Variants in KAT14 observed in about 807,000 individuals in gnomAD.
The protein encoded by KAT14 is cysteine-rich protein 2-binding protein.
KAT14 carries 66 observed loss-of-function variants against 78.4 expected under a neutral mutation model. That is an observed-to-expected ratio of 0.84 (90% CI 0.69 to 1.03). KAT14 has a LOEUF of 1.03. Among genes scored for constraint, KAT14 ranks in the 50% least tolerant of loss-of-function variants. The probability of loss-of-function intolerance (pLI) is 0.00; values close to 1 mark genes in which losing one functional copy is unlikely to be tolerated. For synonymous variants in KAT14, 344 were observed against 359.4 expected (o/e 0.96, Z 0.48); for missense variants, 870 against 972.5 (o/e 0.89, Z 1.40).
At chr20:18,185,636 C>A (rs1235662971) in intron 10 of KAT14, among the ~76,000 whole-genome samples, 1 of 152,124 alleles carries the variant, frequency 6.6e-6, no homozygotes, top group Non-Finnish European at 1.5e-5. Context: ...GAAGAAAATA[C>A]ACCATATATC....
intron 2 of KAT14, 111 bp downstream of exon 2, chr20:18,143,030 T>C: frequency 1.4e-6 from 2 of 1,457,594 alleles, no homozygotes; most frequent in Non-Finnish European, 1.8e-6. Flanking sequence ...AGGATAATTA[T>C]ATTTATTCTC....
rs1236248232 is a variant in KAT14 at position 18,179,806 on chromosome 20, T to C, written c.1669-1904T>C. Among the ~76,000 whole-genome samples, 7 of 152,256 alleles carry C rather than the reference T, an allele frequency of 4.6e-5. 1 individual carries two copies. Among genetic ancestry groups the C allele is most frequent in the Admixed American group, 4.6e-4 (7 of 15,292 alleles). On this transcript the variant is annotated intron_variant, in intron 7 of 10. Transcript: ENST00000688188. ...CTGCATTGTCAGGCTGCAACTTTTC[T>C]GAACTTTTATGTTCTGTTTCCCTTT...
At chr20:18,169,935 A>G (rs916809890) in intron 7 of KAT14, among the ~76,000 whole-genome samples, 2 of 152,212 alleles carry the variant, frequency 1.3e-5, no homozygotes, top group Non-Finnish European at 2.9e-5. Context: ...AGTGGTCTGG[A>G]TAGAAGATCA....
Position 18,159,189 on chromosome 20 carries a change from G to T in KAT14, c.606G>T (p.Trp202Cys). 5 of 1,614,036 alleles carry T rather than the reference G, an allele frequency of 3.1e-6. No homozygotes were observed. The highest frequency in any genetic ancestry group is 3.4e-6 in the Non-Finnish European group (4 of 1,179,982). The change falls in exon 5 of 11, where the codon TGG (tryptophan) becomes TGT (cysteine). Residue 202 changes from tryptophan to cysteine, a missense_variant. Coordinates refer to ENST00000688188, the MANE Select transcript of KAT14 (RefSeq NM_001392073.1). ...GAQEFGEPGW[W>C]KLVHNKPPTM... ...AGGAATTTGGAGAGCCAGGATGGTG[G>T]AAACTTGTTCATAACAAGCCCCCAA...
chr20:18,176,994 C>G (rs994008423), intron 7 of KAT14, among the ~76,000 whole-genome samples: 5 of 152,184 alleles, frequency 3.3e-5, no homozygotes, highest in African/African-American at 1.2e-4. Context: ...ATGGAGCTTC[C>G]CAGAACTTAC....
chr20:18,139,719 C>G (rs1356929439), intron 1 of KAT14, among the ~76,000 whole-genome samples: 1 of 150,582 alleles, frequency 6.6e-6, no homozygotes, highest in Admixed American at 6.7e-5. Context: ...TAGGGGCTTA[C>G]ATTGTATTAA....
chr20:18,139,064 T>G (rs766396704), intron 1 of KAT14, among the ~76,000 whole-genome samples: 13 of 152,346 alleles, frequency 8.5e-5, no homozygotes, highest in Middle Eastern at 3.4e-3. Flanking sequence ...CTGTGCTATG[T>G]GCTTGATATA....
Position 18,142,927 on chromosome 20 carries a change from G to C in KAT14, c.259+8G>C. 6.2e-7 allele frequency: 1 copy of C among 1,612,002 alleles called. No individual in the cohort carries two copies. Among genetic ancestry groups the C allele is most frequent in the Non-Finnish European group, 8.5e-7 (1 of 1,178,122 alleles). On this transcript the variant is annotated splice_region_variant and intron_variant, in intron 2 of 10. Transcript: ENST00000688188. ...AAAAATGGATACCAGCCAGTAAGGA[G>C]CTTCTCAATTCCTTTGATTTGTCAA...
At position 18,162,123 on chromosome 20, in the gene KAT14, C is replaced by T. The variant is rs1342997676; in HGVS notation, c.983C>T (p.Ser328Phe). ...DRTPLTSPSP[S>F]PSLDFSAPGT... ...ACCCCGCTGACAAGCCCATCTCCTT[C>T]TCCTTCTCTGGATTTCTCTGCCCCT... Residue 328 changes from serine to phenylalanine, a missense_variant, in exon 6 of 11, where the codon TCT (serine) becomes TTT (phenylalanine). Physicochemically the swap from Ser to Phe is radical, Grantham distance 155 (BLOSUM62 -2). Coordinates refer to ENST00000688188, the MANE Select transcript of KAT14 (RefSeq NM_001392073.1). 1 of 1,614,138 alleles carries T rather than the reference C, an allele frequency of 6.2e-7. No homozygotes were observed. The highest frequency in any genetic ancestry group is 8.5e-7 in the Non-Finnish European group (1 of 1,180,054).
intron 7 of KAT14, among the ~76,000 whole-genome samples, chr20:18,167,659 A>G (rs1600230808): frequency 6.6e-6 from 1 of 152,046 alleles, no homozygotes; most frequent in South Asian, 2.1e-4. Flanking sequence ...CTTTAATCCA[A>G]AGGTTATTTA....
chr20:18,166,748 A>T (rs1446966899), intron 7 of KAT14, among the ~76,000 whole-genome samples: 1 of 152,020 alleles, frequency 6.6e-6, no homozygotes, highest in Non-Finnish European at 1.5e-5. Flanking sequence ...TTACCTTGTT[A>T]TAGGTTTATT....
At chr20:18,151,086 A>G (rs1040159429) in intron 4 of KAT14, 144 bp downstream of exon 4, 42 of 1,119,420 alleles carry the variant, frequency 3.8e-5, no homozygotes, top group Non-Finnish European at 4.4e-5. Context: ...GTGCAGTGGC[A>G]TGACCATAGC....
chr20:18,151,191 A>G (rs565203377), intron 4 of KAT14, among the ~76,000 whole-genome samples: 2 of 151,138 alleles, frequency 1.3e-5, no homozygotes, highest in Admixed American at 1.3e-4. Context: ...TGCCTGGCTT[A>G]TTTATTTATT....
In KAT14 at chr20:18,162,762, T is replaced by C. The variant is rs768974753; in HGVS notation, c.1485T>C (p.Ile495=). The C allele has an allele frequency of 2.5e-6, 4 of 1,614,088 alleles. No individual in the cohort carries two copies. Among genetic ancestry groups the C allele is most frequent in the Middle Eastern group, 1.6e-4 (1 of 6,084 alleles). Reference sequence around the variant, plus strand: ...CTCGGAGACTGAAACGCAAACTGATTGTCAGACAAGCGAAAAGGGATAGGG... The same window carrying C: ...CTCGGAGACTGAAACGCAAACTGATCGTCAGACAAGCGAAAAGGGATAGGG... The part of the protein sequence containing the change: ...PEARRLKRKL[I]VRQAKRDRGL... Residue 495 remains isoleucine (I), a synonymous_variant, in exon 7 of 11, where the codon ATT becomes ATC. Transcript: ENST00000688188.
At chr20:18,146,036 C>T (rs554029397) in intron 3 of KAT14, among the ~76,000 whole-genome samples, 1 of 152,192 alleles carries the variant, frequency 6.6e-6, no homozygotes, top group Admixed American at 6.5e-5. Flanking sequence ...TGCATTTGAA[C>T]TCGGAGATGT....
chr20:18,186,618 T>C (rs1350230585), intron 10 of KAT14, among the ~76,000 whole-genome samples: 2 of 152,206 alleles, frequency 1.3e-5, no homozygotes, highest in African/African-American at 4.8e-5. Flanking sequence ...CACCTTACTC[T>C]GTGTAGCTGA....
intron 1 of KAT14, 26 bp downstream of exon 1, chr20:18,138,077 C>A (rs1014613119): frequency 6.9e-7 from 1 of 1,444,182 alleles, no homozygotes. Context: ...CCGTCTCTTC[C>A]GGGCCCGCGC....
At chr20:18,159,808 A>G (rs2038353236) in intron 5 of KAT14, among the ~76,000 whole-genome samples, 1 of 152,244 alleles carries the variant, frequency 6.6e-6, no homozygotes, top group African/African-American at 2.4e-5. Context: ...CCATTTTCAT[A>G]TTTAAAAAGA....
At position 18,183,684 on chromosome 20, in the gene KAT14, TAGAG is replaced by T. The variant is rs2039349238; in HGVS notation, c.1981+389_1981+392del. 3 of 311,014 alleles carry T rather than the reference TAGAG, an allele frequency of 9.6e-6. No individual in the cohort carries two copies. In the South Asian group the frequency reaches 3.8e-4, roughly 39 times the overall value. The allele number at this position is 311,014 out of a possible 1,614,324, so 19.3% of individuals were successfully genotyped here. A position where few individuals can be genotyped will look rare whatever the true frequency, so the allele number is the denominator to read the frequency against. ...ATGTTTTGTTTATTTAGCTGTTCCT[TAGAG>T]AGTATTAGTACAGCCAGAAGGTGTT... On this transcript the variant is annotated intron_variant, in intron 9 of 10. Transcript: ENST00000688188.
Sources: allele counts gnomAD v4.1 joint callset (sites outside exome capture counted in the v4.1 genomes callset), GRCh38; gene constraint gnomAD v4.1.1; transcripts MANE v1.5; gene names NCBI Gene and HGNC (gene_info 2026-07-23, HGNC 2026-07-21).